The following LRRC4B variants were observed in gnomAD, a reference collection of about 807,000 sequenced individuals.
LRRC4B encodes the protein leucine-rich repeat-containing protein 4B.
In LRRC4B, 1 loss-of-function variant was observed where a neutral mutation model predicts 7.3. The observed-to-expected ratio is 0.14, with a 90% CI of 0.05 to 0.65. The LOEUF is 0.65. LRRC4B is among the 30% of genes least tolerant of loss of function. The pLI is 0.84. For missense variants in LRRC4B, 730 were observed against 1,041.6 expected, an observed-to-expected ratio of 0.70 and a Z score of 4.12; for synonymous variants, 500 against 499.2, an observed-to-expected ratio of 1.00 and a Z score of -0.02.
intron 2 of LRRC4B, among the ~76,000 whole-genome samples, chr19:50,540,514 G>A (rs1460073966): frequency 1.3e-5 from 2 of 152,002 alleles, no homozygotes; most frequent in African/African-American, 4.8e-5. Flanking sequence ...CTGCCACCAT[G>A]CCTGGGTTAT....
chr19:50,562,209 C>T (rs1982490228), intron 1 of LRRC4B, among the ~76,000 whole-genome samples: 1 of 151,844 alleles, frequency 6.6e-6, no homozygotes, highest in Non-Finnish European at 1.5e-5. Context: ...CCTCTGTAAA[C>T]TGGGAGTCTC....
In LRRC4B at chr19:50,537,132, G is replaced by A. The variant is rs561864542; in HGVS notation, c.297+11410C>T. Among the ~76,000 whole-genome samples the A allele has an allele frequency of 1.2e-3, 189 of 152,276 alleles. No individual in the cohort carries two copies. The highest frequency in any genetic ancestry group is 2.0e-3 in the Non-Finnish European group (134 of 68,018). On this transcript the variant is annotated intron_variant, in intron 2 of 2. Transcript: ENST00000652263. This position sits in a 1 kb window ranked among gnomAD's most constrained non-coding sequence, Gnocchi z 5.5. Reference sequence around the variant, plus strand: ...TGAGACTGAGTCACCAGGGTGCAGCGCCAGGGATAGCTACGAATTAGGAAG... The same window carrying A: ...TGAGACTGAGTCACCAGGGTGCAGCACCAGGGATAGCTACGAATTAGGAAG...
At chr19:50,539,748 G>A (rs1021664376) in intron 2 of LRRC4B, among the ~76,000 whole-genome samples, 3 of 151,868 alleles carry the variant, frequency 2.0e-5, no homozygotes, top group African/African-American at 4.8e-5. Context: ...TCAGCAGGGC[G>A]TGGTGGCAGG....
At chr19:50,545,721 CTTTTTTTT>C (rs532216155) in intron 2 of LRRC4B, among the ~76,000 whole-genome samples, 12 of 131,966 alleles carry the variant, frequency 9.1e-5, no homozygotes, top group African/African-American at 3.4e-4. Context: ...AGAGTTATTA[CTTTTTTTT>C]TTTTTTTTTT....
intron 2 of LRRC4B, among the ~76,000 whole-genome samples, chr19:50,541,009 C>A (rs1426587000): frequency 6.6e-6 from 1 of 151,320 alleles, no homozygotes; most frequent in Non-Finnish European, 1.5e-5. Flanking sequence ...TGGTGAAACC[C>A]TATCTCTACT....
intron 2 of LRRC4B, among the ~76,000 whole-genome samples, chr19:50,535,666 G>T (rs915003813): frequency 6.6e-6 from 1 of 152,146 alleles, no homozygotes; most frequent in Non-Finnish European, 1.5e-5. Flanking sequence ...CTCCAACAGG[G>T]ACTTCCCTGA....
rs3058937 is a variant in LRRC4B at position 50,553,991 on chromosome 19, CTTTTTT to C, written c.-35-5124_-35-5119del. Among the ~76,000 whole-genome samples the C allele has an allele frequency of 1.8e-5, 2 of 111,788 alleles. No individual in the cohort carries two copies. The highest frequency in any genetic ancestry group is 6.0e-4 in the South Asian group (2 of 3,338). 73.3% of individuals were successfully genotyped at this position (111,788 alleles called of 152,430 possible). ...GGAGGCCTGCTGGCAGAGGCAGCAC[CTTTTTT>C]TTTTTTTTTTTTTTGAGACAGAGTC... On this transcript the variant is annotated intron_variant, in intron 1 of 2. Coordinates refer to ENST00000652263, the MANE Select transcript of LRRC4B (RefSeq NM_001080457.2). The surrounding 1 kb of genome is among the most constrained non-coding windows in gnomAD (Gnocchi z 4.2).
chr19:50,535,248 C>T (rs910242448), intron 2 of LRRC4B, among the ~76,000 whole-genome samples: 16 of 152,140 alleles, frequency 1.1e-4, no homozygotes, highest in Non-Finnish European at 1.6e-4. Flanking sequence ...TTTCAGCTCA[C>T]TGCAGCCTCC....
chr19:50,537,246 C>T lies in LRRC4B; in HGVS notation c.297+11296G>A, dbSNP rs1981332655. ...CCGTTACTAACCATGGGACCAGGAC[C>T]GTTTGCAAGTGTCTTAACTCTCCTA... On this transcript the variant is annotated intron_variant, in intron 2 of 2. Transcript: ENST00000652263. This position sits in a 1 kb window ranked among gnomAD's most constrained non-coding sequence, Gnocchi z 5.5. Among the ~76,000 whole-genome samples the T allele has an allele frequency of 6.6e-6, 1 of 152,168 alleles. No homozygotes were observed. The highest frequency in any genetic ancestry group is 2.1e-4 in the South Asian group (1 of 4,824).
At position 50,517,577 on chromosome 19, in the gene LRRC4B, C is replaced by T; in HGVS notation, c.2136G>A (p.Gln712=). The T allele has an allele frequency of 1.4e-6, 2 of 1,434,690 alleles. No individual in the cohort carries two copies. Among genetic ancestry groups the T allele is most frequent in the Middle Eastern group, 2.1e-4 (1 of 4,690 alleles). 88.9% of individuals were successfully genotyped at this position (1,434,690 alleles called of 1,614,324 possible). The change falls in exon 3 of 3, where the codon CAG becomes CAA. Residue 712 remains glutamine (Q), a synonymous_variant. Transcript: ENST00000652263. This position sits in a 1 kb window ranked among gnomAD's most constrained non-coding sequence, Gnocchi z 6.6. ...CCCGCCCGGCCCCGCCGCCTCAGAT[C>T]TGCGTCTCTTGCACGTTCTCCTTGG... ...SGSKENVQET[Q]I
At chr19:50,536,482 G>A (rs1981294736) in intron 2 of LRRC4B, among the ~76,000 whole-genome samples, 1 of 152,208 alleles carries the variant, frequency 6.6e-6, no homozygotes, top group African/African-American at 2.4e-5. Flanking sequence ...AGTGTCGAGA[G>A]GGCAGGGATC....
chr19:50,520,784 T>C (rs1980541839), intron 2 of LRRC4B, among the ~76,000 whole-genome samples: 1 of 151,678 alleles, frequency 6.6e-6, no homozygotes, highest in Admixed American at 6.6e-5. Flanking sequence ...AAAAAGAATT[T>C]AAAAAGAAAT....
chr19:50,565,740 G>C (rs1453500530), intron 1 of LRRC4B, among the ~76,000 whole-genome samples: 1 of 151,736 alleles, frequency 6.6e-6, no homozygotes, highest in African/African-American at 2.4e-5. Flanking sequence ...GGCACCCCGC[G>C]GGTCTGTCCC....
chr19:50,550,385 TCACA>T lies in LRRC4B; in HGVS notation c.-35-1516_-35-1513del, dbSNP rs1982002234. On this transcript the variant is annotated intron_variant, in intron 1 of 2. Transcript: ENST00000652263. ...CCCAAGAGACCAGGAGGAGGGCAGG[TCACA>T]CAAACACGCACACCGACCCACTCAC... 2.0e-5 allele frequency among the ~76,000 whole-genome samples: 3 copies of T among 151,178 alleles called. No individual in the cohort carries two copies. In the South Asian group the frequency reaches 6.4e-4, roughly 32 times the overall value.
intron 1 of LRRC4B, among the ~76,000 whole-genome samples, chr19:50,558,179 G>A (rs1026908127): frequency 2.0e-5 from 3 of 150,852 alleles, no homozygotes; most frequent in Non-Finnish European, 4.4e-5. Context: ...CCCCAAGTTG[G>A]TCAGGGGTCA....
rs1310629957 is a variant in LRRC4B at position 50,556,490 on chromosome 19, C to A, written c.-35-7617G>T. ...CTTCCTGGGGTCAGGGGGGGCTCTGCGTTCCCACGACACCTCCAGGAGGTC... is the reference window on the plus strand; with the variant it reads ...CTTCCTGGGGTCAGGGGGGGCTCTGAGTTCCCACGACACCTCCAGGAGGTC... On this transcript the variant is annotated intron_variant, in intron 1 of 2. Coordinates refer to ENST00000652263, the MANE Select transcript of LRRC4B (RefSeq NM_001080457.2). The surrounding 1 kb of genome is among the most constrained non-coding windows in gnomAD (Gnocchi z 4.2). Among the ~76,000 whole-genome samples the A allele has an allele frequency of 2.0e-5, 3 of 152,126 alleles. No homozygotes were observed. Among genetic ancestry groups the A allele is most frequent in the Admixed American group, 6.5e-5 (1 of 15,284 alleles).
chr19:50,547,071 G>A (rs904914576), intron 2 of LRRC4B, among the ~76,000 whole-genome samples: 5 of 152,220 alleles, frequency 3.3e-5, no homozygotes, highest in Non-Finnish European at 7.3e-5. Context: ...GAAGCCGGGG[G>A]CAGGTGCATG....
At position 50,519,727 on chromosome 19, in the gene LRRC4B, A is replaced by T. The variant is rs1295967093; in HGVS notation, c.298-312T>A. ...CCCTGTCTCTACTAAAAATACAAAA[A>T]TTAGCCAGGTGTGGTGGTGCGTGTA... On this transcript the variant is annotated intron_variant, in intron 2 of 2. Coordinates refer to ENST00000652263, the MANE Select transcript of LRRC4B (RefSeq NM_001080457.2). The surrounding 1 kb of genome is among the most constrained non-coding windows in gnomAD (Gnocchi z 8.1). Among the ~76,000 whole-genome samples, 4 of 152,038 alleles carry T rather than the reference A, an allele frequency of 2.6e-5. No homozygotes were observed. The highest frequency in any genetic ancestry group is 7.2e-5 in the African/African-American group (3 of 41,380).
chr19:50,534,489 C>T (rs1261884344), intron 2 of LRRC4B, among the ~76,000 whole-genome samples: 1 of 152,220 alleles, frequency 6.6e-6, no homozygotes, highest in Non-Finnish European at 1.5e-5. Context: ...CTGGGGCCAC[C>T]TCTGACAGCC....
Sources: gnomAD v4.1 joint callset for allele counts (sites outside exome capture counted in the v4.1 genomes callset) on GRCh38, gnomAD v4.1.1 for gene constraint, Gnocchi (gnomAD v3.1) non-coding constraint, MANE v1.5 for transcripts, NCBI Gene and HGNC (gene_info 2026-07-23, HGNC 2026-07-21) for gene names.